The following KARS1 variants were observed in gnomAD, a reference collection of about 807,000 sequenced individuals.
The protein encoded by KARS1 is lysine--tRNA ligase.
A neutral mutation model predicts 63.9 loss-of-function variants in KARS1; 50 were observed. The ratio of observed to expected loss-of-function variants is 0.78; its 90% CI spans 0.62 to 0.99. The LOEUF is 0.99. Ranked by LOEUF, KARS1 falls within the 50% of genes least tolerant of loss-of-function variation. The pLI is 0.00. For missense variants in KARS1, 816 were observed against 754.5 expected, an observed-to-expected ratio of 1.08 and a Z score of -0.95; for synonymous variants, 320 against 264.6, an observed-to-expected ratio of 1.21 and a Z score of -2.03.
intron 3 of KARS1, among the ~76,000 whole-genome samples, chr16:75,637,374 G>A (rs1462147883): frequency 6.6e-6 from 1 of 152,040 alleles, no homozygotes; most frequent in East Asian, 1.9e-4. Flanking sequence ...AATGGCCAAA[G>A]GTATCCTCTG....
chr16:75,630,252 G>A (rs1200625145), intron 11 of KARS1, among the ~76,000 whole-genome samples, 171 bp downstream of exon 11: 1 of 152,158 alleles, frequency 6.6e-6, no homozygotes, highest in Non-Finnish European at 1.5e-5. Context: ...ACGTGGAGGA[G>A]AACCAAAGTG....
chr16:75,634,128 G>A, intron 7 of KARS1, 45 bp downstream of exon 7: 1 of 1,605,030 alleles, frequency 6.2e-7, no homozygotes. Context: ...TGGTATTCCA[G>A]CTTTCTGCTT....
chr16:75,642,006 C>G (rs2082230198), intron 1 of KARS1, among the ~76,000 whole-genome samples: 1 of 151,954 alleles, frequency 6.6e-6, no homozygotes, highest in Admixed American at 6.6e-5. Context: ...CAACTAAAAC[C>G]AAGATGTACC....
intron 6 of KARS1, 131 bp downstream of exon 6, chr16:75,635,549 A>G: frequency 9.5e-7 from 1 of 1,054,574 alleles, no homozygotes. Flanking sequence ...GACGATGGCA[A>G]GAAAAGGGGA....
chr16:75,642,327 T>A (rs1254293876), intron 1 of KARS1, among the ~76,000 whole-genome samples: 1 of 151,162 alleles, frequency 6.6e-6, no homozygotes, highest in East Asian at 2.0e-4. Flanking sequence ...CTCAGCCTCC[T>A]GAGTAGCTGG....
intron 3 of KARS1, among the ~76,000 whole-genome samples, chr16:75,639,099 C>T (rs904500015): frequency 3.3e-5 from 5 of 151,486 alleles, no homozygotes; most frequent in African/African-American, 7.3e-5. Context: ...ACCCGGAAGG[C>T]GGAGGTTGCA....
intron 5 of KARS1, 42 bp from the exon 6 acceptor site, chr16:75,635,847 T>C: frequency 6.2e-7 from 1 of 1,614,114 alleles, no homozygotes; most frequent in Non-Finnish European, 8.5e-7. Flanking sequence ...GTATGTCTGA[T>C]CCAAAGGTAT....
rs763960268 is a variant in KARS1 at position 75,631,159 on chromosome 16, C to G, written c.1338+9G>C. 6.2e-7 allele frequency: 1 copy of G among 1,610,392 alleles called. No homozygotes were observed. The highest frequency in any genetic ancestry group is 1.1e-5 in the South Asian group (1 of 90,836). ...TGAGGACATGTACAAGAAGGCAGGG[C>G]CTTCTCACCTTGTCAAGGAGCCTGG... On this transcript the variant is annotated intron_variant, in intron 10 of 13. Coordinates refer to ENST00000302445, the MANE Select transcript of KARS1 (RefSeq NM_005548.3).
chr16:75,647,489 G>A, intron 1 of KARS1, 89 bp downstream of exon 1: 3 of 1,250,788 alleles, frequency 2.4e-6, no homozygotes, highest in Non-Finnish European at 2.3e-6. Context: ...AGAAGGCCCC[G>A]GCACAGCAGC....
rs767991207 is a variant in KARS1 at position 75,635,881 on chromosome 16, A to C, written c.669+31T>G. 4 of 1,612,844 alleles carry C rather than the reference A, an allele frequency of 2.5e-6. No individual in the cohort carries two copies. In the East Asian group the frequency reaches 6.7e-5, roughly 27 times the overall value. Reference sequence around the variant, plus strand: ...ATGATAAAACAAACAGAAAGCTAGGAGGCCACAGCTAGGAGGCCAAGAACG... The same window carrying C: ...ATGATAAAACAAACAGAAAGCTAGGCGGCCACAGCTAGGAGGCCAAGAACG... On this transcript the variant is annotated intron_variant, in intron 5 of 13. Transcript: ENST00000302445.
intron 3 of KARS1, 126 bp downstream of exon 3, chr16:75,640,058 C>G (rs1361886445): frequency 7.5e-5 from 60 of 796,964 alleles, no homozygotes; most frequent in Non-Finnish European, 1.1e-4. Context: ...TGGCACTGTC[C>G]TTAGTAAAGT....
chr16:75,646,620 A>C (rs1484925144), intron 1 of KARS1, among the ~76,000 whole-genome samples: 3 of 151,836 alleles, frequency 2.0e-5, no homozygotes, highest in Admixed American at 6.6e-5. Context: ...CCTTGGGGAA[A>C]GCGATGGAGA....
intron 3 of KARS1, among the ~76,000 whole-genome samples, chr16:75,637,079 C>T (rs964181663): frequency 6.6e-6 from 1 of 151,964 alleles, no homozygotes; most frequent in Non-Finnish European, 1.5e-5. Flanking sequence ...CAGGATCTAG[C>T]TTTCAAGATT....
chr16:75,644,482 T>C, intron 1 of KARS1: 2 of 1,558,628 alleles, frequency 1.3e-6, no homozygotes, highest in South Asian at 1.2e-5. Context: ...AACACAGAGA[T>C]GTGGTGTCAG....
chr16:75,628,501 A>G, intron 13 of KARS1, 68 bp downstream of exon 13: 1 of 1,568,982 alleles, frequency 6.4e-7, no homozygotes, highest in Non-Finnish European at 8.8e-7. Context: ...CTCCAGGCCC[A>G]CCATGCCCTG....
At chr16:75,628,524 T>C (rs751764695) in intron 13 of KARS1, 45 bp downstream of exon 13, 1 of 1,609,346 alleles carries the variant, frequency 6.2e-7, no homozygotes, top group South Asian at 1.1e-5. Context: ...TCCAACACAA[T>C]GCAGCTTCCT....
intron 3 of KARS1, among the ~76,000 whole-genome samples, chr16:75,637,810 G>A (rs548065681): frequency 6.9e-6 from 1 of 145,944 alleles, no homozygotes; most frequent in South Asian, 2.2e-4. Flanking sequence ...TAAAGGGAAT[G>A]AGGAGTAGAG....
In KARS1 at chr16:75,631,155, A is replaced by G. The variant is rs769429317; in HGVS notation, c.1338+13T>C. 2 of 1,601,660 alleles carry G rather than the reference A, an allele frequency of 1.2e-6. No homozygotes were observed. Among genetic ancestry groups the G allele is most frequent in the South Asian group, 1.1e-5 (1 of 90,620 alleles). On this transcript the variant is annotated intron_variant, in intron 10 of 13. Coordinates refer to ENST00000302445, the MANE Select transcript of KARS1 (RefSeq NM_005548.3). ...CAGATGAGGACATGTACAAGAAGGCAGGGCCTTCTCACCTTGTCAAGGAGC... is the reference window on the plus strand; with the variant it reads ...CAGATGAGGACATGTACAAGAAGGCGGGGCCTTCTCACCTTGTCAAGGAGC...
rs397514745 is a variant in KARS1, at chr16:75,636,503, A to G, written c.433T>C (p.Tyr145His). ...KRASGGKLIF[Y>H]DLRGEGVKLQ... ...TTCACCCCCTCTCCTCGAAGATCATAGAAGATGAGCTTTCCCCCAGAAGCT... is the reference window on the plus strand; with the variant it reads ...TTCACCCCCTCTCCTCGAAGATCATGGAAGATGAGCTTTCCCCCAGAAGCT... Residue 145 changes from tyrosine to histidine, a missense_variant, in exon 4 of 14, where the codon TAT becomes CAT. Transcript: ENST00000302445. The G allele has an allele frequency of 8.1e-6, 13 of 1,613,798 alleles. No individual in the cohort carries two copies. The South Asian group carries it at 1.3e-4, about 16-fold the overall frequency.
Sources: gnomAD v4.1 joint callset for allele counts (sites outside exome capture counted in the v4.1 genomes callset) on GRCh38, gnomAD v4.1.1 for gene constraint, MANE v1.5 for transcripts, NCBI Gene and HGNC (gene_info 2026-07-23, HGNC 2026-07-21) for gene names.